KCNQ1OT1: variants seen among roughly 807,000 people sequenced by gnomAD.
The protein encoded by KCNQ1OT1 is KCNQ1 antisense RNA 2 (non-protein coding).
chr11:2,699,076 G>C (rs1850726270), exon 1 of KCNQ1OT1: 1 of 398,402 alleles, frequency 2.5e-6, no homozygotes, highest in Admixed American at 4.4e-5. Context: ...CCACAACATG[G>C]ATTCCCAACT....
At position 2,644,838 on chromosome 11, in the gene KCNQ1OT1, T is replaced by C. The variant is rs1345516160; in HGVS notation, n.55157A>G. ...AAACAGCACCAGTAGTGTCTGGGAG[T>C]TCCTCTGTAGTTTAGGATGCAGTTG... On this transcript the variant is annotated non_coding_transcript_exon_variant, in exon 1 of 1. Coordinates refer to ENST00000597346, the Ensembl canonical transcript of KCNQ1OT1. 5 of 398,512 alleles carry C rather than the reference T, an allele frequency of 1.3e-5. 1 individual carries two copies. The Middle Eastern group carries it at 2.5e-3, about 198-fold the overall frequency. 24.7% of individuals were successfully genotyped at this position (398,512 alleles called of 1,614,324 possible). A position where few individuals can be genotyped will look rare whatever the true frequency, so the allele number is the denominator to read the frequency against.
exon 1 of KCNQ1OT1, chr11:2,648,011 T>C (rs1849692626): frequency 2.3e-5 from 9 of 396,136 alleles, no homozygotes; most frequent in South Asian, 1.4e-4. Flanking sequence ...TCCAGGAGTT[T>C]GAGACCAGCC....
rs1455175279 is a variant in KCNQ1OT1, at chr11:2,661,376, T to C, written n.38619A>G. ...GTTGCAGAGGTGGGCCCAGGAATCA[T>C]AATGTGAAGCCAGCTGTTGGAGGGA... On this transcript the variant is annotated non_coding_transcript_exon_variant, in exon 1 of 1. Transcript: ENST00000597346. The surrounding 1 kb of genome is among the most constrained non-coding windows in gnomAD (Gnocchi z 5.9). 7 of 407,982 alleles carry C rather than the reference T, an allele frequency of 1.7e-5. No homozygotes were observed. The highest frequency in any genetic ancestry group is 3.0e-5 in the Non-Finnish European group (7 of 231,136). 25.3% of individuals were successfully genotyped at this position (407,982 alleles called of 1,614,324 possible). A position where few individuals can be genotyped will look rare whatever the true frequency, so the allele number is the denominator to read the frequency against.
chr11:2,688,628 C>T (rs1341086433), exon 1 of KCNQ1OT1: 2 of 398,654 alleles, frequency 5.0e-6, no homozygotes, highest in Non-Finnish European at 8.8e-6. Flanking sequence ...CCTGGGTGAG[C>T]TCTGGACCTG....
In KCNQ1OT1 at chr11:2,632,196, A is replaced by AG. The variant is rs1849368119; in HGVS notation, n.67798_67799insC. 1.0e-5 allele frequency: 4 copies of AG among 397,940 alleles called. No individual in the cohort carries two copies. The East Asian group carries it at 1.4e-4, about 14-fold the overall frequency. The allele number at this position is 397,940 out of a possible 1,614,324, so 24.7% of individuals were successfully genotyped here. ...AGACTCTGCCTCAAAAAAAAAAAAA[A>AG]AAAAAAAGAAATGCAACTGAATTTT... On this transcript the variant is annotated non_coding_transcript_exon_variant, in exon 1 of 1. Coordinates refer to ENST00000597346, the Ensembl canonical transcript of KCNQ1OT1.
At chr11:2,681,402 G>A in exon 1 of KCNQ1OT1, 1 of 398,478 alleles carries the variant, frequency 2.5e-6, no homozygotes, top group Non-Finnish European at 4.4e-6. Context: ...GTGACTAAAG[G>A]CAAAGAATGG....
chr11:2,696,383 C>G (rs1850676977), exon 1 of KCNQ1OT1: 1 of 398,670 alleles, frequency 2.5e-6, no homozygotes, highest in Non-Finnish European at 4.4e-6. Context: ...TGTGGTGCCA[C>G]CTTTATCACA....
exon 1 of KCNQ1OT1, chr11:2,688,895 G>T: frequency 2.5e-6 from 1 of 399,074 alleles, no homozygotes. Flanking sequence ...TGGAAGCTGA[G>T]GTGGGGCTAG....
At chr11:2,648,416 A>G (rs1197270918) in exon 1 of KCNQ1OT1, 4 of 398,378 alleles carry the variant, frequency 1.0e-5, no homozygotes, top group East Asian at 7.1e-5. Context: ...ATTGAAATAA[A>G]TGTCCCTCAT....
rs1005002771 is a variant in KCNQ1OT1, at chr11:2,620,509, C to A, written n.79486G>T. On this transcript the variant is annotated non_coding_transcript_exon_variant, in exon 1 of 1. Transcript: ENST00000597346. The surrounding 1 kb of genome is among the most constrained non-coding windows in gnomAD (Gnocchi z 4.5). ...GGGATTACAGGTGAGAGCTACCGCA[C>A]CTGGCCGAATTCATTCATTTTTATG... is the stretch of plus-strand genomic sequence containing the variant. 2 of 379,834 alleles carry A rather than the reference C, an allele frequency of 5.3e-6. No individual in the cohort carries two copies. Among genetic ancestry groups the A allele is most frequent in the Non-Finnish European group, 9.3e-6 (2 of 215,178 alleles). 23.5% of individuals were successfully genotyped at this position (379,834 alleles called of 1,614,324 possible).
At position 2,674,672 on chromosome 11, in the gene KCNQ1OT1, G is replaced by C; in HGVS notation, n.25323C>G. The C allele has an allele frequency of 2.5e-6, 1 of 398,468 alleles. No homozygotes were observed. 24.7% of individuals were successfully genotyped at this position (398,468 alleles called of 1,614,324 possible). A position where few individuals can be genotyped will look rare whatever the true frequency, so the allele number is the denominator to read the frequency against. ...GCCAGAACTTTTTGCAAAATAATTT[G>C]AAAAGTTTGTTGAACCTTAAACCTT... On this transcript the variant is annotated non_coding_transcript_exon_variant, in exon 1 of 1. Transcript: ENST00000597346. This position sits in a 1 kb window ranked among gnomAD's most constrained non-coding sequence, Gnocchi z 5.9.
exon 1 of KCNQ1OT1, chr11:2,632,684 A>G: frequency 2.5e-6 from 1 of 398,362 alleles, no homozygotes. Context: ...AAAATCCTCC[A>G]TCTTTCTGTG....
chr11:2,674,550 C>G lies in KCNQ1OT1; in HGVS notation n.25445G>C, dbSNP rs941833092. On this transcript the variant is annotated non_coding_transcript_exon_variant, in exon 1 of 1. Transcript: ENST00000597346. This position sits in a 1 kb window ranked among gnomAD's most constrained non-coding sequence, Gnocchi z 5.9. ...CCCATTCGGAGGATTTAGACAAATA[C>G]CTCGAGTGAGTGAATCTGAAGCATG... 1.3e-5 allele frequency: 5 copies of G among 398,442 alleles called. No homozygotes were observed. Among genetic ancestry groups the G allele is most frequent in the Non-Finnish European group, 2.2e-5 (5 of 226,068 alleles). 24.7% of individuals were successfully genotyped at this position (398,442 alleles called of 1,614,324 possible).
Position 2,645,028 on chromosome 11 carries a change from C to T in KCNQ1OT1, n.54967G>A. The T allele has an allele frequency of 2.5e-6, 1 of 398,770 alleles. No individual in the cohort carries two copies. The highest frequency in any genetic ancestry group is 1.3e-4 in the South Asian group (1 of 7,850). The allele number at this position is 398,770 out of a possible 1,614,324, so 24.7% of individuals were successfully genotyped here. On this transcript the variant is annotated non_coding_transcript_exon_variant, in exon 1 of 1. Coordinates refer to ENST00000597346, the Ensembl canonical transcript of KCNQ1OT1. The surrounding 1 kb of genome is among the most constrained non-coding windows in gnomAD (Gnocchi z 5.8). ...AAGTCCAGGGAAACCAATTTTGGGC[C>T]TCCAGGCAACTTGCTCAGGTGCCAA...
chr11:2,660,280 A>C (rs1276233517), exon 1 of KCNQ1OT1: 2 of 398,414 alleles, frequency 5.0e-6, no homozygotes, highest in Non-Finnish European at 8.9e-6. Context: ...TACTAAATGC[A>C]TTAAAACTTT....
Position 2,687,962 on chromosome 11 carries a change from G to A in KCNQ1OT1, n.12033C>T, listed in dbSNP as rs987080443. 3 of 398,778 alleles carry A rather than the reference G, an allele frequency of 7.5e-6. No individual in the cohort carries two copies. The highest frequency in any genetic ancestry group is 1.3e-5 in the Non-Finnish European group (3 of 226,180). 24.7% of individuals were successfully genotyped at this position (398,778 alleles called of 1,614,324 possible). A position where few individuals can be genotyped will look rare whatever the true frequency, so the allele number is the denominator to read the frequency against. On this transcript the variant is annotated non_coding_transcript_exon_variant, in exon 1 of 1. Transcript: ENST00000597346. This position sits in a 1 kb window ranked among gnomAD's most constrained non-coding sequence, Gnocchi z 5.0. ...CCACCCGCTGTGGGTCAGCCAGGCC[G>A]CTGCTTCCTGCTTCCCTTTGATGTC...
chr11:2,684,688 C>A, exon 1 of KCNQ1OT1: 1 of 398,628 alleles, frequency 2.5e-6, no homozygotes. Context: ...TAGTGGCCAA[C>A]TGAGCACTTG....
exon 1 of KCNQ1OT1, chr11:2,696,749 A>C (rs1850683108): frequency 2.5e-6 from 1 of 398,274 alleles, no homozygotes; most frequent in African/African-American, 2.1e-5. Flanking sequence ...GAGTTTTAAA[A>C]TTTTTTCCAT....
In KCNQ1OT1 at chr11:2,690,500, G is replaced by C. The variant is rs1252598325; in HGVS notation, n.9495C>G. 1 of 398,498 alleles carries C rather than the reference G, an allele frequency of 2.5e-6. No individual in the cohort carries two copies. The highest frequency in any genetic ancestry group is 4.4e-6 in the Non-Finnish European group (1 of 226,082). The allele number at this position is 398,498 out of a possible 1,614,324, so 24.7% of individuals were successfully genotyped here. A position where few individuals can be genotyped will look rare whatever the true frequency, so the allele number is the denominator to read the frequency against. ...ACAGCCACTGGGCCCAGTCGGGGGG[G>C]TCTCAGCACCTATCACAAAGAAAGT... On this transcript the variant is annotated non_coding_transcript_exon_variant, in exon 1 of 1. Transcript: ENST00000597346. The surrounding 1 kb of genome is among the most constrained non-coding windows in gnomAD (Gnocchi z 5.1).
Sources: allele counts gnomAD v4.1 joint callset, GRCh38; gene constraint gnomAD v4.1.1; non-coding constraint Gnocchi (gnomAD v3.1); transcripts MANE v1.5; gene names NCBI Gene and HGNC (gene_info 2026-07-23, HGNC 2026-07-21).